Variants in MTREX observed in about 807,000 individuals in gnomAD.
The protein encoded by MTREX is exosome RNA helicase MTR4.
Under a neutral mutation model 135.4 loss-of-function variants are expected in MTREX, and 76 were observed. That is an observed-to-expected ratio of 0.56 (90% CI 0.47 to 0.68). The LOEUF is 0.68. Among genes scored for constraint, MTREX ranks in the 30% least tolerant of loss-of-function variants. MTREX has a pLI of 0.00. For synonymous variants in MTREX, 404 were observed against 401.6 expected (o/e 1.01, Z -0.07); for missense variants, 920 against 1,262.1 (o/e 0.73, Z 4.11).
chr5:55,420,143 G>A (rs775463942), intron 25 of MTREX, among the ~76,000 whole-genome samples: 1 of 143,500 alleles, frequency 7.0e-6, no homozygotes, highest in Non-Finnish European at 1.6e-5. Context: ...TCAAGAAAGG[G>A]TTCAGCCTAA....
chr5:55,424,843 G>T lies in MTREX; in HGVS notation c.*71G>T, dbSNP rs890023554. 2 of 1,094,592 alleles carry T rather than the reference G, an allele frequency of 1.8e-6. No homozygotes were observed. Among genetic ancestry groups the T allele is most frequent in the South Asian group, 1.3e-5 (1 of 77,438 alleles). 67.8% of individuals were successfully genotyped at this position (1,094,592 alleles called of 1,614,324 possible). On this transcript the variant is annotated 3_prime_UTR_variant, in exon 27 of 27. Transcript: ENST00000230640. Reference sequence around the variant, plus strand: ...TGATTACAGTTGACTACAAATGCCTGCAAGTGTGGATTTGGTTCTCCCATA... The same window carrying T: ...TGATTACAGTTGACTACAAATGCCTTCAAGTGTGGATTTGGTTCTCCCATA...
intron 15 of MTREX, among the ~76,000 whole-genome samples, chr5:55,365,794 A>G (rs1291092046): frequency 2.6e-5 from 4 of 152,130 alleles, no homozygotes; most frequent in East Asian, 1.9e-4. Context: ...GATCGAGACT[A>G]TCCTGGCTAA....
chr5:55,400,140 C>G, intron 20 of MTREX, 93 bp from the exon 21 acceptor site: 1 of 873,742 alleles, frequency 1.1e-6, no homozygotes, highest in Non-Finnish European at 1.7e-6. Context: ...CTTTTTATGT[C>G]CATGTGCATA....
At chr5:55,415,567 A>G (rs1304405891) in intron 24 of MTREX, among the ~76,000 whole-genome samples, 5 of 152,244 alleles carry the variant, frequency 3.3e-5, no homozygotes, top group South Asian at 4.1e-4. Context: ...ATATGAAGAT[A>G]TGTACATTTT....
intron 22 of MTREX, among the ~76,000 whole-genome samples, chr5:55,408,280 C>G (rs922216996): frequency 6.6e-6 from 1 of 152,176 alleles, no homozygotes; most frequent in Non-Finnish European, 1.5e-5. Context: ...TTGCTCTGAA[C>G]TTCTTCAATC....
chr5:55,340,934 G>A (rs370956651), intron 6 of MTREX, among the ~76,000 whole-genome samples: 1 of 152,168 alleles, frequency 6.6e-6, no homozygotes, highest in Non-Finnish European at 1.5e-5. Context: ...TCCCATAATT[G>A]CAGTTAAGTT....
intron 13 of MTREX, 137 bp from the exon 14 acceptor site, chr5:55,353,031 G>A (rs2112071806): frequency 4.2e-6 from 2 of 479,808 alleles, no homozygotes; most frequent in South Asian, 8.3e-5. Context: ...AAATAGGTTT[G>A]AGAACATATT....
At chr5:55,313,716 A>G (rs1194731733) in intron 1 of MTREX, among the ~76,000 whole-genome samples, 1 of 152,170 alleles carries the variant, frequency 6.6e-6, no homozygotes, top group Admixed American at 6.5e-5. Flanking sequence ...AATTTTTAAG[A>G]AATTATGTAA....
chr5:55,337,513 TTCAC>T (rs1175214023), intron 5 of MTREX, among the ~76,000 whole-genome samples: 2 of 152,064 alleles, frequency 1.3e-5, no homozygotes, highest in East Asian at 1.9e-4. Context: ...ACTATAAAAT[TTCAC>T]TCAGTACTGC....
chr5:55,378,497 G>T lies in MTREX; in HGVS notation c.1983+11G>T. 1 of 1,588,414 alleles carries T rather than the reference G, an allele frequency of 6.3e-7. No individual in the cohort carries two copies. The highest frequency in any genetic ancestry group is 8.5e-7 in the Non-Finnish European group (1 of 1,172,190). On this transcript the variant is annotated intron_variant, in intron 17 of 26. Transcript: ENST00000230640. ...GGTCGTTTGGTAAAGGTATGTCATTGTTTCTTCATAAAATACTTGAATAAT... is the reference window on the plus strand; with the variant it reads ...GGTCGTTTGGTAAAGGTATGTCATTTTTTCTTCATAAAATACTTGAATAAT...
chr5:55,370,069 A>G (rs1750172226), intron 16 of MTREX, among the ~76,000 whole-genome samples: 2 of 152,048 alleles, frequency 1.3e-5, no homozygotes, highest in South Asian at 4.2e-4. Flanking sequence ...GATTACAGGC[A>G]TGCACCACCA....
rs775982713 is a variant in MTREX, at chr5:55,349,606, G to A, written c.1274G>A (p.Ser425Asn). The change falls in exon 12 of 27, where the codon AGT (serine) becomes AAT (asparagine). Residue 425 changes from serine (S) to asparagine (N), a missense_variant. Physicochemically the swap from Ser to Asn is conservative, Grantham distance 46. Transcript: ENST00000230640. ...EEKKMVEEVF[S>N]NAIDCLSDED... is the part of the protein sequence containing the mutation. Reference sequence around the variant, plus strand: ...AAGAAGATGGTTGAAGAAGTATTCAGTAATGCAATTGATTGCTTATCCGAT... The same window carrying A: ...AAGAAGATGGTTGAAGAAGTATTCAATAATGCAATTGATTGCTTATCCGAT... 3.1e-6 allele frequency: 5 copies of A among 1,604,846 alleles called. No individual in the cohort carries two copies. The African/African-American group carries it at 5.4e-5, about 17-fold the overall frequency.
chr5:55,361,038 C>G (rs765444796), intron 15 of MTREX, among the ~76,000 whole-genome samples: 1 of 152,158 alleles, frequency 6.6e-6, no homozygotes, highest in Non-Finnish European at 1.5e-5. Context: ...TATGGTACTG[C>G]TTCTCAGTAC....
chr5:55,397,270 A>C, intron 19 of MTREX, 146 bp from the exon 20 acceptor site: 1 of 427,278 alleles, frequency 2.3e-6, no homozygotes, highest in Admixed American at 4.1e-5. Flanking sequence ...AGTGTGGGAG[A>C]ATGCTTCACG....
chr5:55,341,355 G>T (rs1447638214), intron 6 of MTREX, among the ~76,000 whole-genome samples: 4 of 152,114 alleles, frequency 2.6e-5, no homozygotes, highest in Non-Finnish European at 5.9e-5. Flanking sequence ...GTGTATAGAA[G>T]GAAGTTGCAT....
At chr5:55,333,660 T>C (rs1171570677) in intron 5 of MTREX, among the ~76,000 whole-genome samples, 1 of 152,080 alleles carries the variant, frequency 6.6e-6, no homozygotes, top group African/African-American at 2.4e-5. Flanking sequence ...CCTGATGAGG[T>C]TGGCTGTGGA....
chr5:55,377,271 G>A (rs1415390779), intron 16 of MTREX, among the ~76,000 whole-genome samples: 3 of 152,098 alleles, frequency 2.0e-5, no homozygotes, highest in Non-Finnish European at 4.4e-5. Flanking sequence ...ATCTTGCAGT[G>A]AGCCGAGATC....
In MTREX at chr5:55,379,145, G is replaced by A; in HGVS notation, c.2002G>A (p.Asp668Asn). 1 of 1,609,282 alleles carries A rather than the reference G, an allele frequency of 6.2e-7. No individual in the cohort carries two copies. The change falls in exon 18 of 27, where the codon GAC becomes AAC. Residue 668 changes from aspartate to asparagine, a missense_variant. By Grantham distance (23) the Asp-to-Asn change is conservative. Transcript: ENST00000230640. ...TTTTTAGGTAAAGAATGAAGGAGAT[G>A]ACTTTGGCTGGGGAGTAGTGGTGAA... ...RLVKVKNEGD[D>N]FGWGVVVNFS... is the part of the protein sequence containing the mutation.
At chr5:55,355,546 A>T (rs1579866261) in intron 14 of MTREX, among the ~76,000 whole-genome samples, 1 of 152,076 alleles carries the variant, frequency 6.6e-6, no homozygotes, top group Admixed American at 6.5e-5. Flanking sequence ...TGGGCCAGGG[A>T]CCCTCTCATA....
Sources: allele counts gnomAD v4.1 joint callset (sites outside exome capture counted in the v4.1 genomes callset), GRCh38; gene constraint gnomAD v4.1.1; transcripts MANE v1.5; gene names NCBI Gene and HGNC (gene_info 2026-07-23, HGNC 2026-07-21).